KLHL1: variants seen among roughly 807,000 people sequenced by gnomAD.
KLHL1 encodes the protein kelch-like protein 1.
KLHL1 carries 47 observed loss-of-function variants against 77.7 expected under a neutral mutation model. That is an observed-to-expected ratio of 0.60 (90% CI 0.48 to 0.77). The LOEUF (loss-of-function observed/expected upper bound fraction) is 0.77. Ranked by LOEUF, KLHL1 falls within the 30% of genes least tolerant of loss-of-function variation. The pLI, the probability that KLHL1 is intolerant of heterozygous loss-of-function variation, is 0.00. For missense variants in KLHL1, 925 were observed against 910.8 expected, an observed-to-expected ratio of 1.02 and a Z score of -0.20; for synonymous variants, 360 against 325.2, an observed-to-expected ratio of 1.11 and a Z score of -1.15.
At position 69,939,358 on chromosome 13, in the gene KLHL1, T is replaced by TACATATACATAC. The variant is rs1566424701; in HGVS notation, c.1014+681_1014+682insGTATGTATATGT. 2.5e-3 allele frequency among the ~76,000 whole-genome samples: 206 copies of TACATATACATAC among 82,306 alleles called. 3 individuals are homozygous for TACATATACATAC. Among genetic ancestry groups the TACATATACATAC allele is most frequent in the African/African-American group, 9.3e-3 (199 of 21,364 alleles). 54.0% of individuals were successfully genotyped at this position (82,306 alleles called of 152,430 possible). A position where few individuals can be genotyped will look rare whatever the true frequency, so the allele number is the denominator to read the frequency against. On this transcript the variant is annotated intron_variant, in intron 4 of 10. Coordinates refer to ENST00000377844, the MANE Select transcript of KLHL1 (RefSeq NM_020866.3). ...ATACATACATATATATATATATATA[T>TACATATACATAC]ATATATATATATATATATATACACA...
chr13:69,981,176 C>A (rs945514729), intron 1 of KLHL1, among the ~76,000 whole-genome samples: 1 of 152,096 alleles, frequency 6.6e-6, no homozygotes, highest in Non-Finnish European at 1.5e-5. Context: ...AGAATACATA[C>A]TTCCTTGTAT....
At chr13:69,916,176 G>A (rs1392030162) in intron 4 of KLHL1, among the ~76,000 whole-genome samples, 2 of 152,062 alleles carry the variant, frequency 1.3e-5, no homozygotes, top group Non-Finnish European at 2.9e-5. Context: ...GTGGAAGTCA[G>A]TGTGGCGATT....
At chr13:70,061,495 G>A (rs1886884760) in intron 1 of KLHL1, among the ~76,000 whole-genome samples, 1 of 152,062 alleles carries the variant, frequency 6.6e-6, no homozygotes, top group Admixed American at 6.5e-5. Flanking sequence ...GCAGCATATT[G>A]TGCTCACTCT....
intron 6 of KLHL1, among the ~76,000 whole-genome samples, chr13:69,821,142 C>T (rs980696451): frequency 1.1e-4 from 16 of 151,840 alleles, no homozygotes; most frequent in African/African-American, 1.9e-4. Context: ...TTATAATGTA[C>T]GAACTGTTCT....
chr13:69,992,907 A>T (rs1885060591), intron 1 of KLHL1, among the ~76,000 whole-genome samples: 1 of 149,036 alleles, frequency 6.7e-6, no homozygotes, highest in African/African-American at 2.5e-5. Context: ...CTTTGTATAT[A>T]AATATGCTGC....
intron 5 of KLHL1, among the ~76,000 whole-genome samples, chr13:69,876,820 C>T (rs2138186210): frequency 6.6e-6 from 1 of 152,222 alleles, no homozygotes. Context: ...GGTGGATCAC[C>T]TGAGATCAGG....
At chr13:70,078,162 T>C (rs1345215910) in intron 1 of KLHL1, among the ~76,000 whole-genome samples, 1 of 151,888 alleles carries the variant, frequency 6.6e-6, no homozygotes, top group East Asian at 1.9e-4. Flanking sequence ...CTGTCTAGCA[T>C]GCTCTAATGA....
At chr13:70,017,408 T>G (rs1418245334) in intron 1 of KLHL1, among the ~76,000 whole-genome samples, 13 of 152,280 alleles carry the variant, frequency 8.5e-5, no homozygotes, top group African/African-American at 3.1e-4. Context: ...ATACAATACA[T>G]CTGGTCCAGC....
rs374409468 is a variant in KLHL1, at chr13:69,786,880, A to G, written c.1639+9858T>C. Among the ~76,000 whole-genome samples the G allele has an allele frequency of 1.2e-3, 182 of 152,320 alleles. 4 individuals carry two copies. In the South Asian group the frequency reaches 0.036, roughly 30 times the overall value. On this transcript the variant is annotated intron_variant, in intron 7 of 10. Transcript: ENST00000377844. ...CACCAATAACAGACAAACAGAGCCG[A>G]ATCATGAGGGAACTCCCATTCACAA...
intron 6 of KLHL1, among the ~76,000 whole-genome samples, chr13:69,814,913 A>G (rs1391243538): frequency 6.6e-6 from 1 of 152,128 alleles, no homozygotes; most frequent in Non-Finnish European, 1.5e-5. Flanking sequence ...CGGGAGGCTG[A>G]GGCAGGAGAA....
At chr13:69,942,408 G>T (rs1056134212) in intron 3 of KLHL1, among the ~76,000 whole-genome samples, 2 of 151,926 alleles carry the variant, frequency 1.3e-5, no homozygotes, top group African/African-American at 4.8e-5. Context: ...GCCAGTTTGT[G>T]TATATTTTTT....
intron 1 of KLHL1, among the ~76,000 whole-genome samples, chr13:70,038,581 A>ATTTTTTTTTTTTTTT (rs55885952): frequency 2.7e-5 from 2 of 73,028 alleles, no homozygotes; most frequent in Non-Finnish European, 4.8e-5. Context: ...ATTGTCATTA[A>ATTTTTTTTTTTTTTT]TTTTTTTTTT....
chr13:69,847,404 C>CAAAAAAAA lies in KLHL1; in HGVS notation c.1228-8250_1228-8243dup, dbSNP rs11357077. Among the ~76,000 whole-genome samples the CAAAAAAAA allele has an allele frequency of 2.1e-3, 299 of 145,698 alleles. 2 individuals are homozygous for CAAAAAAAA. The highest frequency in any genetic ancestry group is 3.8e-3 in the African/African-American group (147 of 38,576). On this transcript the variant is annotated intron_variant, in intron 5 of 10. Coordinates refer to ENST00000377844, the MANE Select transcript of KLHL1 (RefSeq NM_020866.3). Reference sequence around the variant, plus strand: ...TTAAGTTAGAGTAATACTGCATTAGCAAAAAAAAAAAAAAAAAAAAAAACA... The same window carrying CAAAAAAAA: ...TTAAGTTAGAGTAATACTGCATTAGCAAAAAAAAAAAAAAAAAAAAAAAAAAAAAAACA...
intron 1 of KLHL1, among the ~76,000 whole-genome samples, chr13:70,033,841 A>G (rs937824751): frequency 9.9e-5 from 15 of 151,856 alleles, no homozygotes; most frequent in Non-Finnish European, 2.1e-4. Context: ...GCTGGTCTGG[A>G]ACTCCTGACC....
intron 7 of KLHL1, among the ~76,000 whole-genome samples, chr13:69,776,112 C>T (rs561952254): frequency 2.0e-4 from 30 of 151,584 alleles, no homozygotes; most frequent in African/African-American, 6.8e-4. Context: ...GCTGAGATCG[C>T]ACCACTGCAC....
intron 1 of KLHL1, among the ~76,000 whole-genome samples, chr13:70,079,108 A>G (rs1887332790): frequency 6.6e-6 from 1 of 152,208 alleles, no homozygotes; most frequent in Non-Finnish European, 1.5e-5. Context: ...CAACCAAGTC[A>G]TACTTAACTG....
At chr13:69,767,705 T>G (rs1371430675) in intron 7 of KLHL1, among the ~76,000 whole-genome samples, 1 of 152,202 alleles carries the variant, frequency 6.6e-6, no homozygotes, top group Non-Finnish European at 1.5e-5. Context: ...TTCTTTCCTT[T>G]CGTTTTCTCA....
intron 1 of KLHL1, among the ~76,000 whole-genome samples, chr13:69,989,765 G>C (rs947709795): frequency 3.3e-5 from 5 of 151,880 alleles, no homozygotes; most frequent in South Asian, 2.1e-4. Flanking sequence ...CTTGGCGTGG[G>C]TGTTGTTAGT....
intron 6 of KLHL1, among the ~76,000 whole-genome samples, chr13:69,802,219 G>C (rs529754465): frequency 2.0e-5 from 3 of 152,240 alleles, no homozygotes; most frequent in African/African-American, 4.8e-5. Flanking sequence ...TGGCTGCATA[G>C]TATTCCATGG....
Sources: gnomAD v4.1 joint callset for allele counts (sites outside exome capture counted in the v4.1 genomes callset) on GRCh38, gnomAD v4.1.1 for gene constraint, MANE v1.5 for transcripts, NCBI Gene and HGNC (gene_info 2026-07-23, HGNC 2026-07-21) for gene names.